MTMR8: variants seen among roughly 807,000 people sequenced by gnomAD.
The protein encoded by MTMR8 is myotubularin related protein 8, also known as phosphatidylinositol-3,5-bisphosphate 3-phosphatase MTMR8.
A neutral mutation model predicts 39.3 loss-of-function variants in MTMR8; 65 were observed. The ratio of observed to expected loss-of-function variants is 1.65; its 90% CI spans 1.35 to 2.03. The LOEUF (loss-of-function observed/expected upper bound fraction) is 2.03. Among genes scored for constraint, MTMR8 ranks in the 30% most tolerant of loss-of-function variants. The probability of loss-of-function intolerance (pLI) is 0.00; values close to 1 mark genes in which losing one functional copy is unlikely to be tolerated. For synonymous variants in MTMR8, 245 were observed against 185.2 expected (o/e 1.32, Z -2.62); for missense variants, 777 against 538.9 (o/e 1.44, Z -4.37).
chrX:64,368,902 C>T (rs1602151504), intron 1 of MTMR8, among the ~76,000 whole-genome samples: 1 of 111,961 alleles, frequency 8.9e-6, no homozygotes, highest in Admixed American at 9.4e-5. Context: ...ATAATTTAAA[C>T]AAAATTACAA....
At position 64,350,023 on chromosome X, in the gene MTMR8, G is replaced by A; in HGVS notation, c.516C>T (p.Thr172=). Residue 172 remains threonine, a synonymous_variant, in exon 5 of 14, where the codon ACC becomes ACT. Coordinates refer to ENST00000374852, the MANE Select transcript of MTMR8 (RefSeq NM_017677.4). The stretch of plus-strand genomic sequence containing the variant: ...TTGAACTTCCAACCACCGTTCCCAA[G>A]GTAACAGATTTAGGAACCACTATTT... The part of the protein sequence containing the change: ...PPEIVVPKSV[T]LGTVVGSSKF... 1.7e-6 allele frequency: 2 copies of A among 1,191,056 alleles called. No homozygotes were observed. The highest frequency in any genetic ancestry group is 2.3e-6 in the Non-Finnish European group (2 of 883,620).
intron 12 of MTMR8, among the ~76,000 whole-genome samples, chrX:64,296,737 G>A (rs1489901855): frequency 1.1e-3 from 47 of 42,244 alleles, no homozygotes; most frequent in African/African-American, 1.6e-3. Context: ...CCCCTCCCCC[G>A]CCCCCAACAC....
chrX:64,285,414 C>A (rs772444249), intron 12 of MTMR8, among the ~76,000 whole-genome samples: 1 of 110,952 alleles, frequency 9.0e-6, no homozygotes, highest in Admixed American at 9.6e-5. Context: ...GACAGATCAA[C>A]GAGACAGAAA....
chrX:64,329,150 TTCTAAG>T (rs1922878838), intron 11 of MTMR8, among the ~76,000 whole-genome samples: 1 of 111,826 alleles, frequency 8.9e-6, no homozygotes, highest in Admixed American at 9.5e-5. Context: ...GAACAGGAGA[TTCTAAG>T]TCCAGTCTCT....
At chrX:64,310,810 T>C (rs896349392) in intron 12 of MTMR8, among the ~76,000 whole-genome samples, 52 of 111,464 alleles carry the variant, frequency 4.7e-4, no homozygotes, top group African/African-American at 1.6e-3. Context: ...TTCATCCATG[T>C]CCCTGCAAAG....
At chrX:64,368,452 C>T (rs1241908349) in intron 1 of MTMR8, among the ~76,000 whole-genome samples, 1 of 111,358 alleles carries the variant, frequency 9.0e-6, no homozygotes, top group Non-Finnish European at 1.9e-5. Flanking sequence ...AGGAATAACA[C>T]CACACATCTA....
At chrX:64,327,789 T>C (rs1391818154) in intron 12 of MTMR8, among the ~76,000 whole-genome samples, 2 of 111,455 alleles carry the variant, frequency 1.8e-5, no homozygotes, top group Non-Finnish European at 3.8e-5. Flanking sequence ...TAAGTGTCCA[T>C]ATGGATGAAT....
chrX:64,369,522 C>G (rs980454068), intron 1 of MTMR8, among the ~76,000 whole-genome samples: 11 of 110,866 alleles, frequency 9.9e-5, no homozygotes, highest in Non-Finnish European at 1.9e-4. Context: ...GGACAGAAAA[C>G]CAAACACTGC....
In MTMR8 at chrX:64,268,356, G is replaced by T; in HGVS notation, c.*181C>A. On this transcript the variant is annotated 3_prime_UTR_variant, in exon 14 of 14. Coordinates refer to ENST00000374852, the MANE Select transcript of MTMR8 (RefSeq NM_017677.4). ...CTTTCTCTTGCCTACACTCTGTACT[G>T]CTTAATATGAACATATTGGTCACTT... is the stretch of plus-strand genomic sequence containing the variant. 2 of 475,191 alleles carry T rather than the reference G, an allele frequency of 4.2e-6. No individual in the cohort carries two copies. The allele number at this position is 475,191 out of a possible 1,213,427, so 39.2% of individuals were successfully genotyped here.
intron 10 of MTMR8, among the ~76,000 whole-genome samples, chrX:64,334,587 A>G (rs1163764084): frequency 9.5e-6 from 1 of 105,198 alleles, no homozygotes; most frequent in African/African-American, 3.5e-5. Flanking sequence ...AAAAAAAAAA[A>G]AAAAAAAACA....
chrX:64,395,260 T>C, intron 1 of MTMR8, 80 bp downstream of exon 1: 2 of 1,038,919 alleles, frequency 1.9e-6, no homozygotes, highest in Admixed American at 4.4e-5. Context: ...CTGAGAAGGC[T>C]GAGGAGGTGT....
chrX:64,327,196 A>T, intron 12 of MTMR8, among the ~76,000 whole-genome samples: 1 of 111,873 alleles, frequency 8.9e-6, no homozygotes, highest in South Asian at 3.7e-4. Flanking sequence ...ATTACATCAA[A>T]CTAAAAAGCT....
chrX:64,360,492 T>C, intron 1 of MTMR8: 2 of 152,666 alleles, frequency 1.3e-5, no homozygotes, highest in South Asian at 1.2e-4. Context: ...ATCCAACAAA[T>C]AGAACATTCA....
intron 1 of MTMR8, among the ~76,000 whole-genome samples, chrX:64,389,618 C>T (rs779233362): frequency 2.6e-4 from 29 of 111,634 alleles, no homozygotes; most frequent in Admixed American, 2.5e-3. Flanking sequence ...CAATGTAGTA[C>T]CAAGAGCCTT....
chrX:64,341,306 C>A (rs182766129), intron 8 of MTMR8, among the ~76,000 whole-genome samples: 1 of 110,386 alleles, frequency 9.1e-6, no homozygotes, highest in Non-Finnish European at 1.9e-5. Flanking sequence ...TGGCAAAACC[C>A]CGTCTCTGCT....
Position 64,337,338 on chromosome X carries a change from C to G in MTMR8, c.1031G>C (p.Arg344Pro), listed in dbSNP as rs372424715. Residue 344 changes from arginine (R) to proline (P), a missense_variant, in exon 9 of 14, where the codon CGC becomes CCC. Coordinates refer to ENST00000374852, the MANE Select transcript of MTMR8 (RefSeq NM_017677.4). ...AGCCACTGAGCAGACTTGTGCTGTG[C>G]GGTCCCATCCATCAGAACAATGGAC... ...VLVHCSDGWDRTAQVCSVASI... is the reference protein window; with the variant it reads ...VLVHCSDGWDPTAQVCSVASI... 1.7e-6 allele frequency: 2 copies of G among 1,208,147 alleles called. No individual in the cohort carries two copies. Among genetic ancestry groups the G allele is most frequent in the South Asian group, 3.5e-5 (2 of 56,682 alleles).
chrX:64,372,880 A>G (rs1321946383), intron 1 of MTMR8, among the ~76,000 whole-genome samples: 1 of 111,657 alleles, frequency 9.0e-6, no homozygotes, highest in African/African-American at 3.3e-5. Context: ...TTAATGACAA[A>G]TTAAAATTCA....
intron 12 of MTMR8, among the ~76,000 whole-genome samples, chrX:64,283,987 G>A (rs951521975): frequency 2.0e-4 from 22 of 112,370 alleles, no homozygotes; most frequent in African/African-American, 5.5e-4. Flanking sequence ...GGACTTTGAC[G>A]AGTTGAGAGA....
At chrX:64,388,463 A>G (rs1924616724) in intron 1 of MTMR8, among the ~76,000 whole-genome samples, 1 of 112,176 alleles carries the variant, frequency 8.9e-6, no homozygotes, top group African/African-American at 3.2e-5. Flanking sequence ...CAAGATGTAC[A>G]AGGTCATTGA....
Sources: gnomAD v4.1 joint callset for allele counts (sites outside exome capture counted in the v4.1 genomes callset) on GRCh38, gnomAD v4.1.1 for gene constraint, MANE v1.5 for transcripts, NCBI Gene and HGNC (gene_info 2026-07-23, HGNC 2026-07-21) for gene names.